PRMT7: variants seen among roughly 807,000 people sequenced by gnomAD.
The protein encoded by PRMT7 is protein arginine methyltransferase 7, also known as protein arginine N-methyltransferase 7.
Under a neutral mutation model 85.4 loss-of-function variants are expected in PRMT7, and 75 were observed. That is an observed-to-expected ratio of 0.88 (90% CI 0.73 to 1.06). PRMT7 has a LOEUF of 1.06. PRMT7 is among the 50% of genes least tolerant of loss of function. PRMT7 has a pLI of 0.00. For synonymous variants in PRMT7, 397 were observed against 359.5 expected, an observed-to-expected ratio of 1.10 and a Z score of -1.18; for missense variants, 868 against 915.2, an observed-to-expected ratio of 0.95 and a Z score of 0.67.
chr16:68,317,406 G>C (rs2081990886), intron 3 of PRMT7, among the ~76,000 whole-genome samples: 1 of 152,158 alleles, frequency 6.6e-6, no homozygotes, highest in Non-Finnish European at 1.5e-5. Context: ...TAAGCTTTCA[G>C]ATGAGCCAGA....
At chr16:68,337,125 C>T (rs1404673346) in intron 6 of PRMT7, among the ~76,000 whole-genome samples, 3 of 152,150 alleles carry the variant, frequency 2.0e-5, no homozygotes, top group African/African-American at 7.2e-5. Flanking sequence ...TGAACTCAAT[C>T]CATTGGGTAT....
chr16:68,349,165 C>T (rs1391869910), intron 14 of PRMT7, among the ~76,000 whole-genome samples: 2 of 152,132 alleles, frequency 1.3e-5, no homozygotes, highest in Non-Finnish European at 2.9e-5. Flanking sequence ...CTGCTCTACC[C>T]GCTTGTCCTT....
chr16:68,320,977 CAAAA>C (rs1005840392), intron 3 of PRMT7, among the ~76,000 whole-genome samples: 3 of 151,242 alleles, frequency 2.0e-5, no homozygotes, highest in Admixed American at 2.0e-4. Flanking sequence ...TAAAAATAAA[CAAAA>C]AAATAGGCCA....
In PRMT7 at chr16:68,339,891, A is replaced by G; in HGVS notation, c.850A>G (p.Ile284Val). The G allele has an allele frequency of 1.2e-6, 2 of 1,614,176 alleles. No individual in the cohort carries two copies. Among genetic ancestry groups the G allele is most frequent in the Admixed American group, 1.7e-5 (1 of 60,012 alleles). Residue 284 changes from isoleucine to valine, a missense_variant, in exon 9 of 19, where the codon ATT becomes GTT. Transcript: ENST00000441236. ...TCAGGTGGTTCTCTCGTGGTGGGAC[A>G]TTGAAATGGACCCTGAGGGGAAGAT... ...RAQVVLSWWD[I>V]EMDPEGKIKC...
intron 10 of PRMT7, 99 bp downstream of exon 10, chr16:68,345,901 G>C: frequency 2.6e-6 from 4 of 1,530,158 alleles, no homozygotes; most frequent in Non-Finnish European, 3.6e-6. Context: ...GTTGATTTGT[G>C]TCTGGACAGA....
intron 6 of PRMT7, among the ~76,000 whole-genome samples, chr16:68,330,958 A>G (rs1489210935): frequency 6.6e-6 from 1 of 152,182 alleles, no homozygotes; most frequent in African/African-American, 2.4e-5. Flanking sequence ...AATCAACGTT[A>G]TTGAAGTATG....
chr16:68,317,588 G>A (rs2082010283), intron 3 of PRMT7, among the ~76,000 whole-genome samples: 1 of 152,140 alleles, frequency 6.6e-6, no homozygotes, highest in African/African-American at 2.4e-5. Flanking sequence ...AGCACTTTGG[G>A]AGACCAAGGC....
At chr16:68,345,847 G>A in intron 10 of PRMT7, 45 bp downstream of exon 10, 1 of 1,610,294 alleles carries the variant, frequency 6.2e-7, no homozygotes. Flanking sequence ...TCTGAGACTT[G>A]TATGTAAATT....
At chr16:68,347,000 G>C (rs2086509191) in intron 11 of PRMT7, among the ~76,000 whole-genome samples, 1 of 151,928 alleles carries the variant, frequency 6.6e-6, no homozygotes, top group Non-Finnish European at 1.5e-5. Context: ...CTGGGTTGAG[G>C]GGTGTCTTTC....
At position 68,345,711 on chromosome 16, in the gene PRMT7, C is replaced by A. The variant is rs1268820590; in HGVS notation, c.964C>A (p.Pro322Thr). 4 of 1,613,764 alleles carry A rather than the reference C, an allele frequency of 2.5e-6. No homozygotes were observed. The African/African-American group carries it at 5.3e-5, about 22-fold the overall frequency. Residue 322 changes from proline (P) to threonine (T), a missense_variant, in exon 10 of 19, where the codon CCA becomes ACA. Physicochemically the swap from Pro to Thr is conservative, Grantham distance 38 (BLOSUM62 -1). Coordinates refer to ENST00000441236, the MANE Select transcript of PRMT7 (RefSeq NM_019023.5). Reference protein sequence around the residue: ...DHWMQCVYFLPQEEPVVQGSA... With the variant: ...DHWMQCVYFLTQEEPVVQGSA... ...CTGGATGCAGTGTGTGTACTTCCTG[C>A]CACAAGAGGAGCCTGTGGTGCAGGG...
At chr16:68,345,549 A>G in intron 9 of PRMT7, 126 bp from the exon 10 acceptor site, 1 of 1,393,380 alleles carries the variant, frequency 7.2e-7, no homozygotes, top group African/African-American at 1.4e-5. Flanking sequence ...CCTTGGCCAC[A>G]ATAGCCAGCT....
intron 4 of PRMT7, 170 bp downstream of exon 4, chr16:68,321,632 G>A: frequency 1.7e-6 from 1 of 577,228 alleles, no homozygotes. Flanking sequence ...CTCTATTTTT[G>A]TTGTTTAATC....
chr16:68,329,078 A>G lies in PRMT7; in HGVS notation c.295A>G (p.Met99Val), dbSNP rs970114895. The change falls in exon 6 of 19, where the codon ATG becomes GTG. Residue 99 changes from methionine (M) to valine (V), a missense_variant. Coordinates refer to ENST00000441236, the MANE Select transcript of PRMT7 (RefSeq NM_019023.5). ...CTCTATTTTCTAGGTTTTCAAGCCT[A>G]TGGCTGATGCTGCTGTGAAGATTGT... ...FCYAIEVFKPMADAAVKIVEK... is the reference protein window; with the variant it reads ...FCYAIEVFKPVADAAVKIVEK... The G allele has an allele frequency of 1.9e-6, 3 of 1,609,254 alleles. No homozygotes were observed. The highest frequency in any genetic ancestry group is 2.6e-6 in the Non-Finnish European group (3 of 1,175,778).
chr16:68,355,660 A>T, intron 16 of PRMT7, 63 bp from the exon 17 acceptor site: 1 of 1,412,488 alleles, frequency 7.1e-7, no homozygotes, highest in Non-Finnish European at 9.3e-7. Flanking sequence ...CAAGCCGGGG[A>T]GCGGTACCTC....
intron 14 of PRMT7, 136 bp from the exon 15 acceptor site, chr16:68,352,112 C>T: frequency 1.2e-6 from 1 of 867,620 alleles, no homozygotes; most frequent in East Asian, 2.6e-5. Context: ...GAGTGAGTGA[C>T]TGAGTGAGGG....
intron 12 of PRMT7, 25 bp from the exon 13 acceptor site, chr16:68,347,606 A>C: frequency 6.2e-7 from 1 of 1,607,316 alleles, no homozygotes; most frequent in Non-Finnish European, 8.5e-7. Flanking sequence ...ATATCTTACA[A>C]CTAATAGCGT....
chr16:68,329,009 C>T, intron 5 of PRMT7, 57 bp from the exon 6 acceptor site: 1 of 1,235,364 alleles, frequency 8.1e-7, no homozygotes, highest in Admixed American at 1.7e-5. Context: ...CCTTAAAGGT[C>T]AGACTACTGT....
At chr16:68,350,265 C>T (rs115652274) in intron 14 of PRMT7, among the ~76,000 whole-genome samples, 129 of 152,316 alleles carry the variant, frequency 8.5e-4, no homozygotes, top group Non-Finnish European at 1.2e-3. Context: ...TGTATGTCCT[C>T]AGTCTCTTAT....
intron 5 of PRMT7, among the ~76,000 whole-genome samples, chr16:68,328,740 A>G (rs551394440): frequency 6.6e-6 from 1 of 151,976 alleles, no homozygotes; most frequent in Non-Finnish European, 1.5e-5. Context: ...AGGGCACAGC[A>G]CGCCTCCCAG....
Sources: allele counts gnomAD v4.1 joint callset (sites outside exome capture counted in the v4.1 genomes callset), GRCh38; gene constraint gnomAD v4.1.1; transcripts MANE v1.5; gene names NCBI Gene and HGNC (gene_info 2026-07-23, HGNC 2026-07-21).